LRBA: variants seen among roughly 807,000 people sequenced by gnomAD.
LRBA encodes lipopolysaccharide-responsive and beige-like anchor protein.
A neutral mutation model predicts 330.0 loss-of-function variants in LRBA; 176 were observed. That is an observed-to-expected ratio of 0.53 (90% CI 0.47 to 0.60). The LOEUF (loss-of-function observed/expected upper bound fraction) is 0.60, where lower values mean the gene tolerates loss of function less well. Ranked by LOEUF, LRBA falls within the 20% of genes least tolerant of loss-of-function variation. The pLI, the probability that LRBA is intolerant of heterozygous loss-of-function variation, is 0.00. For synonymous variants in LRBA, 1,230 were observed against 1,193.0 expected (o/e 1.03, Z -0.64); for missense variants, 3,259 against 3,444.8 (o/e 0.95, Z 1.35).
At chr4:150,476,839 G>A (rs1756767146) in intron 42 of LRBA, among the ~76,000 whole-genome samples, 1 of 152,150 alleles carries the variant, frequency 6.6e-6, no homozygotes, top group South Asian at 2.1e-4. Context: ...TACTGTAAGA[G>A]CTCCTGGGTG....
Position 150,828,639 on chromosome 4 carries a change from A to G in LRBA, c.4730-18T>C. The stretch of plus-strand genomic sequence containing the variant: ...TGTGATTTCTATATCATACCCAGAA[A>G]CACAAGAAATAAACAAACAAAAGTT... On this transcript the variant is annotated intron_variant, in intron 29 of 56. Coordinates refer to ENST00000651943, the MANE Select transcript of LRBA (RefSeq NM_001364905.1). 1 of 1,588,626 alleles carries G rather than the reference A, an allele frequency of 6.3e-7. No individual in the cohort carries two copies. Among genetic ancestry groups the G allele is most frequent in the Non-Finnish European group, 8.6e-7 (1 of 1,166,238 alleles).
chr4:150,583,190 G>T lies in LRBA; in HGVS notation c.6330+4858C>A. The T allele has an allele frequency of 6.2e-7, 1 of 1,614,222 alleles. No individual in the cohort carries two copies. Among genetic ancestry groups the T allele is most frequent in the South Asian group, 1.1e-5 (1 of 91,076 alleles). On this transcript the variant is annotated intron_variant, in intron 40 of 56. Transcript: ENST00000651943. This position sits in a 1 kb window ranked among gnomAD's most constrained non-coding sequence, Gnocchi z 9.8. ...GAGGTGCAGGAGCCTCGCTTCATCA[G>T]CTCCTTGAGCGAGATCGATGCCCGC...
At chr4:150,765,600 A>G (rs757557771) in intron 34 of LRBA, among the ~76,000 whole-genome samples, 17 of 152,126 alleles carry the variant, frequency 1.1e-4, no homozygotes, top group Admixed American at 2.0e-4. Flanking sequence ...AATTAGTAAT[A>G]AAAAAGTATT....
intron 36 of LRBA, among the ~76,000 whole-genome samples, chr4:150,686,478 A>G (rs1046692178): frequency 1.3e-5 from 2 of 152,208 alleles, no homozygotes; most frequent in African/African-American, 4.8e-5. Context: ...ATAACTAGGA[A>G]ATTATTTCAT....
intron 37 of LRBA, chr4:150,679,528 G>C (rs1238206581): frequency 2.0e-5 from 3 of 152,000 alleles, no homozygotes; most frequent in Non-Finnish European, 4.4e-5. Flanking sequence ...TCATCTTTCT[G>C]AAAGAAGGAA....
chr4:150,603,825 T>C lies in LRBA; in HGVS notation c.5922-4694A>G, dbSNP rs549729639. Among the ~76,000 whole-genome samples, 473 of 152,252 alleles carry C rather than the reference T, an allele frequency of 3.1e-3. 2 individuals carry two copies. The highest frequency in any genetic ancestry group is 4.8e-3 in the Non-Finnish European group (326 of 68,016). ...GGCAATGCCATTTTAATACATAGAA[T>C]ATATGTTTTATGTTCTACAAGAACA... On this transcript the variant is annotated intron_variant, in intron 37 of 56. Coordinates refer to ENST00000651943, the MANE Select transcript of LRBA (RefSeq NM_001364905.1).
chr4:150,478,736 G>C (rs1484474842), intron 42 of LRBA, among the ~76,000 whole-genome samples: 6 of 152,092 alleles, frequency 3.9e-5, no homozygotes, highest in Admixed American at 3.9e-4. Flanking sequence ...AAGAATAGCT[G>C]GTTATATTTC....
chr4:150,600,620 C>T (rs1010658600), intron 37 of LRBA, among the ~76,000 whole-genome samples: 1 of 151,388 alleles, frequency 6.6e-6, no homozygotes, highest in Admixed American at 6.6e-5. Context: ...AAATGTAATA[C>T]AAAAAAAGTA....
chr4:150,657,210 T>C (rs781134969), intron 37 of LRBA, among the ~76,000 whole-genome samples: 2 of 152,222 alleles, frequency 1.3e-5, no homozygotes, highest in Non-Finnish European at 2.9e-5. Context: ...TTTGTTTTTC[T>C]AGTTTTGTTT....
intron 35 of LRBA, among the ~76,000 whole-genome samples, chr4:150,748,723 C>T (rs919637611): frequency 2.0e-5 from 3 of 151,744 alleles, no homozygotes; most frequent in Admixed American, 1.3e-4. Context: ...GTTTGAATAT[C>T]TGTATCCCCT....
rs1731624368 is a variant in LRBA, at chr4:150,908,766, G to A, written c.1253C>T (p.Ala418Val). 7 of 1,613,400 alleles carry A rather than the reference G, an allele frequency of 4.3e-6. No homozygotes were observed. The highest frequency in any genetic ancestry group is 5.1e-6 in the Non-Finnish European group (6 of 1,179,372). ...TGTAGCCCGTGGATTGTACGTGAAT[G>A]CAATGGCACTAGAGAGTTTCCCATC... ...LYDGKLSSAI[A>V]FTYNPRATDA... Residue 418 changes from alanine (A) to valine (V), a missense_variant, in exon 10 of 57, where the codon GCA becomes GTA. Coordinates refer to ENST00000651943, the MANE Select transcript of LRBA (RefSeq NM_001364905.1).
Position 150,310,391 on chromosome 4 carries a change from G to T in LRBA, c.7694-7C>A. The T allele has an allele frequency of 6.2e-7, 1 of 1,608,466 alleles. No individual in the cohort carries two copies. The highest frequency in any genetic ancestry group is 1.1e-5 in the South Asian group (1 of 90,308). ...TGCATTCCTGTATTGCTGGCTGTAA[G>T]AATAGGGAGGAAAAACAACTATTAA... On this transcript the variant is annotated splice_polypyrimidine_tract_variant and splice_region_variant and intron_variant, in intron 51 of 56. Coordinates refer to ENST00000651943, the MANE Select transcript of LRBA (RefSeq NM_001364905.1).
intron 30 of LRBA, among the ~76,000 whole-genome samples, chr4:150,823,985 G>C (rs889120052): frequency 6.6e-6 from 1 of 152,088 alleles, no homozygotes; most frequent in Non-Finnish European, 1.5e-5. Context: ...CTGGTATTTT[G>C]ATATGGATTG....
At position 150,583,389 on chromosome 4, in the gene LRBA, G is replaced by C. The variant is rs146043387; in HGVS notation, c.6330+4659C>G. 1.4e-5 allele frequency: 22 copies of C among 1,613,916 alleles called. No individual in the cohort carries two copies. The highest frequency in any genetic ancestry group is 5.3e-5 in the African/African-American group (4 of 74,946). On this transcript the variant is annotated intron_variant, in intron 40 of 56. Coordinates refer to ENST00000651943, the MANE Select transcript of LRBA (RefSeq NM_001364905.1). This position sits in a 1 kb window ranked among gnomAD's most constrained non-coding sequence, Gnocchi z 9.8. ...TCTGGGTCGAGTTCATCACGGCGTC[G>C]GGCTATCTCTCAGCGCGTAAGATCC...
intron 37 of LRBA, among the ~76,000 whole-genome samples, chr4:150,639,769 A>ATGTGTGTG (rs1340165155): frequency 4.4e-4 from 3 of 6,876 alleles, no homozygotes; most frequent in African/African-American, 1.2e-3. Flanking sequence ...ATATATATAT[A>ATGTGTGTG]TATATATATA....
At chr4:150,923,030 C>T (rs2149498434) in intron 4 of LRBA, among the ~76,000 whole-genome samples, 1 of 152,184 alleles carries the variant, frequency 6.6e-6, no homozygotes, top group South Asian at 2.1e-4. Context: ...AGGGTTACAT[C>T]CTGATAAACC....
chr4:150,817,264 T>C lies in LRBA; in HGVS notation c.5172-7A>G. Reference sequence around the variant, plus strand: ...TGCTGCAACAATGACACTTCTGTAATAAAGAAAGTAAACAGACTGAAAGAT... The same window carrying C: ...TGCTGCAACAATGACACTTCTGTAACAAAGAAAGTAAACAGACTGAAAGAT... On this transcript the variant is annotated splice_polypyrimidine_tract_variant and splice_region_variant and intron_variant, in intron 30 of 56. Transcript: ENST00000651943. 2 of 1,610,612 alleles carry C rather than the reference T, an allele frequency of 1.2e-6. No homozygotes were observed. The highest frequency in any genetic ancestry group is 1.7e-6 in the Non-Finnish European group (2 of 1,177,518).
chr4:150,532,706 G>T (rs567659076), intron 40 of LRBA, among the ~76,000 whole-genome samples: 26 of 152,164 alleles, frequency 1.7e-4, no homozygotes, highest in African/African-American at 6.0e-4. Flanking sequence ...AGAAAGAGAA[G>T]AATGGGCATA....
intron 37 of LRBA, among the ~76,000 whole-genome samples, chr4:150,629,292 A>G (rs1777147000): frequency 6.6e-6 from 1 of 152,234 alleles, no homozygotes. Flanking sequence ...TTAAAATACT[A>G]AAAATGTAAG....
Sources: gnomAD v4.1 joint callset for allele counts (sites outside exome capture counted in the v4.1 genomes callset) on GRCh38, gnomAD v4.1.1 for gene constraint, Gnocchi (gnomAD v3.1) non-coding constraint, MANE v1.5 for transcripts, NCBI Gene and HGNC (gene_info 2026-07-23, HGNC 2026-07-21) for gene names.